The following SGCD variants were observed in gnomAD, a reference collection of about 807,000 sequenced individuals.
SGCD encodes the protein sarcoglycan delta, also known as delta-sarcoglycan.
A neutral mutation model predicts 36.6 loss-of-function variants in SGCD; 18 were observed. That is an observed-to-expected ratio of 0.49 (90% CI 0.34 to 0.73). SGCD has a LOEUF of 0.73. SGCD is among the 30% of genes least tolerant of loss of function. The pLI is 0.01. For missense variants in SGCD, 387 were observed against 346.7 expected (o/e 1.12, Z -0.92); for synonymous variants, 133 against 130.6 (o/e 1.02, Z -0.12).
intron 3 of SGCD, among the ~76,000 whole-genome samples, chr5:156,155,829 G>A (rs1471636092): frequency 6.6e-6 from 1 of 151,738 alleles, no homozygotes; most frequent in African/African-American, 2.4e-5. Flanking sequence ...GCCAAGGCTA[G>A]TTTCTCATTA....
At chr5:156,176,121 G>GTGTGTGTGTGTGTGTT (rs1344570791) in intron 3 of SGCD, among the ~76,000 whole-genome samples, 2 of 67,824 alleles carry the variant, frequency 2.9e-5, no homozygotes, top group South Asian at 5.3e-4. Flanking sequence ...AATATACTTT[G>GTGTGTGTGTGTGTGTT]TGTGTGTGTG....
intron 1 of SGCD, among the ~76,000 whole-genome samples, chr5:155,999,919 T>C (rs909717732): frequency 1.3e-5 from 2 of 152,208 alleles, no homozygotes; most frequent in Admixed American, 1.3e-4. Context: ...CACCTACTAT[T>C]GGTATGAAGA....
rs1005839981 is a variant in SGCD, at chr5:156,703,036, G to A, written c.576-54545G>A. ...ACTGCATTTTTAGGCATCCATCTGG[G>A]CACATTTGTGTTTACCCCCACCCAT... On this transcript the variant is annotated intron_variant, in intron 7 of 8. Coordinates refer to ENST00000337851, the MANE Select transcript of SGCD (RefSeq NM_000337.6). Among the ~76,000 whole-genome samples, 9 of 152,270 alleles carry A rather than the reference G, an allele frequency of 5.9e-5. No homozygotes were observed. The East Asian group carries it at 1.7e-3, about 29-fold the overall frequency.
At chr5:155,942,999 T>G (rs1223717714) in intron 1 of SGCD, among the ~76,000 whole-genome samples, 1 of 152,196 alleles carries the variant, frequency 6.6e-6, no homozygotes, top group Non-Finnish European at 1.5e-5. Context: ...ATAACAGATT[T>G]AAAAAGTGAA....
intron 4 of SGCD, among the ~76,000 whole-genome samples, chr5:156,540,322 T>C (rs1459829676): frequency 6.6e-6 from 1 of 152,110 alleles, no homozygotes; most frequent in Admixed American, 6.6e-5. Context: ...TTTTAGGATT[T>C]TTCTGTGTGT....
At chr5:156,487,085 C>G (rs1418044866) in intron 3 of SGCD, among the ~76,000 whole-genome samples, 2 of 152,122 alleles carry the variant, frequency 1.3e-5, no homozygotes, top group Non-Finnish European at 2.9e-5. Context: ...GTGGTATATG[C>G]TGCCAGGAAC....
At chr5:156,054,135 G>C (rs1304741825) in intron 1 of SGCD, among the ~76,000 whole-genome samples, 1 of 145,830 alleles carries the variant, frequency 6.9e-6, no homozygotes, top group Non-Finnish European at 1.5e-5. Context: ...GGGAATATAA[G>C]TCTAGAGCTT....
At chr5:156,416,345 T>C (rs1448706793) in intron 3 of SGCD, among the ~76,000 whole-genome samples, 1 of 152,112 alleles carries the variant, frequency 6.6e-6, no homozygotes, top group Non-Finnish European at 1.5e-5. Context: ...GAATGATACA[T>C]TGGACTTTGA....
rs775195062 is a variant in SGCD, at chr5:156,589,324, A to T, written c.382+6A>T. The T allele has an allele frequency of 7.2e-6, 11 of 1,529,684 alleles. No individual in the cohort carries two copies. The South Asian group carries it at 1.3e-4, about 18-fold the overall frequency. The allele number at this position is 1,529,684 out of a possible 1,614,324, so 94.8% of individuals were successfully genotyped here. A position where few individuals can be genotyped will look rare whatever the true frequency, so the allele number is the denominator to read the frequency against. On this transcript the variant is annotated splice_donor_region_variant and intron_variant, in intron 5 of 8. Coordinates refer to ENST00000337851, the MANE Select transcript of SGCD (RefSeq NM_000337.6). ...GCTAACTCAGCTTATAACAGGTAAG[A>T]AAAGGGAGAACTTAACAGTGCCTAG... is the stretch of plus-strand genomic sequence containing the variant.
intron 1 of SGCD, among the ~76,000 whole-genome samples, chr5:155,904,154 T>C (rs1164947829): frequency 6.6e-6 from 1 of 152,162 alleles, no homozygotes; most frequent in African/African-American, 2.4e-5. Flanking sequence ...TTGACTTAAA[T>C]CACAAGAGGA....
chr5:156,639,087 T>C (rs1357327146), intron 6 of SGCD, among the ~76,000 whole-genome samples: 1 of 151,880 alleles, frequency 6.6e-6, no homozygotes, highest in Non-Finnish European at 1.5e-5. Flanking sequence ...CAGACATGTA[T>C]AGCATTTTAT....
chr5:155,965,535 G>A (rs1006358845), intron 1 of SGCD, among the ~76,000 whole-genome samples: 1 of 152,132 alleles, frequency 6.6e-6, no homozygotes, highest in Non-Finnish European at 1.5e-5. Flanking sequence ...TTACACTGAA[G>A]GGTGTATGAT....
the SGCD span, among the ~76,000 whole-genome samples, chr5:155,835,449 C>A: frequency 6.6e-6 from 1 of 152,060 alleles, no homozygotes; most frequent in Non-Finnish European, 1.5e-5. Context: ...CTACTGTGTT[C>A]CCCCAGAGAA....
At chr5:155,794,050 A>G in the SGCD span, among the ~76,000 whole-genome samples, 2 of 152,046 alleles carry the variant, frequency 1.3e-5, no homozygotes, top group African/African-American at 2.4e-5. Flanking sequence ...AGTGTTGAAG[A>G]CATGCTAGGA....
intron 3 of SGCD, among the ~76,000 whole-genome samples, chr5:156,282,682 T>C (rs1339213755): frequency 6.6e-6 from 1 of 152,194 alleles, no homozygotes; most frequent in Non-Finnish European, 1.5e-5. Flanking sequence ...TTACTCTGAT[T>C]ACTTACGTGT....
At chr5:156,016,548 G>T (rs12521203) in intron 1 of SGCD, among the ~76,000 whole-genome samples, 34,350 of 151,920 alleles carry the variant, frequency 0.23, 4,291 homozygotes, top group South Asian at 0.37. Flanking sequence ...AAATTTTGTT[G>T]GTTTCTGATT....
At chr5:155,906,967 A>G (rs574815401) in intron 1 of SGCD, among the ~76,000 whole-genome samples, 1 of 152,166 alleles carries the variant, frequency 6.6e-6, no homozygotes, top group Non-Finnish European at 1.5e-5. Context: ...GAGAGAAGAA[A>G]TAAATGCCTG....
chr5:156,572,243 A>G (rs997720875), intron 4 of SGCD, among the ~76,000 whole-genome samples: 6 of 152,254 alleles, frequency 3.9e-5, no homozygotes, highest in African/African-American at 1.2e-4. Flanking sequence ...ATCTGTTTCC[A>G]ATTCTTTCTG....
chr5:156,449,701 A>AAAAAAAAAAAAAAAC (rs1753917213), intron 3 of SGCD, among the ~76,000 whole-genome samples: 1 of 148,588 alleles, frequency 6.7e-6, no homozygotes, highest in Non-Finnish European at 1.5e-5. Flanking sequence ...AAAAAAAAAA[A>AAAAAAAAAAAAAAAC]ATCAGCCGGG....
Sources: allele counts gnomAD v4.1 joint callset (sites outside exome capture counted in the v4.1 genomes callset), GRCh38; gene constraint gnomAD v4.1.1; transcripts MANE v1.5; gene names NCBI Gene and HGNC (gene_info 2026-07-23, HGNC 2026-07-21).